NLRP14: variants seen among roughly 807,000 people sequenced by gnomAD.
NLRP14 encodes the protein NACHT, LRR and PYD domains-containing protein 14.
NLRP14 carries 105 observed loss-of-function variants against 94.7 expected under a neutral mutation model. The observed-to-expected ratio is 1.11, with a 90% CI of 0.95 to 1.30. NLRP14 has a LOEUF of 1.30. Ranked by LOEUF, NLRP14 falls within the 50% of genes most tolerant of loss-of-function variation. The pLI is 0.00. For missense variants in NLRP14, 1,362 were observed against 1,254.1 expected (o/e 1.09, Z -1.30); for synonymous variants, 508 against 459.9 (o/e 1.10, Z -1.34).
At chr11:7,023,286 A>G (rs549636054) in intron 1 of NLRP14, among the ~76,000 whole-genome samples, 2 of 147,824 alleles carry the variant, frequency 1.4e-5, no homozygotes, top group South Asian at 4.2e-4. Flanking sequence ...ATCTTAAAAT[A>G]GGTATTTTAA....
At chr11:7,090,239 C>A in the NLRP14 span, 1 of 1,610,596 alleles carries the variant, frequency 6.2e-7, no homozygotes, top group East Asian at 2.2e-5. Flanking sequence ...GCAGGGTGCC[C>A]AGGGGCGGAG....
chr11:7,059,856 C>G (rs530695129), intron 8 of NLRP14, 38 bp from the exon 9 acceptor site: 1 of 1,549,554 alleles, frequency 6.5e-7, no homozygotes, highest in Non-Finnish European at 8.9e-7. Flanking sequence ...GACAGTAGAG[C>G]AATGATTCCA....
chr11:7,022,088 A>G (rs1851952917), intron 1 of NLRP14, among the ~76,000 whole-genome samples: 1 of 152,192 alleles, frequency 6.6e-6, no homozygotes, highest in Non-Finnish European at 1.5e-5. Flanking sequence ...ACTTTTAGGA[A>G]TGAATTCTAC....
chr11:7,023,137 A>G (rs1321380704), intron 1 of NLRP14, among the ~76,000 whole-genome samples: 1 of 151,772 alleles, frequency 6.6e-6, no homozygotes, highest in East Asian at 1.9e-4. Context: ...AAAATTGAGA[A>G]TGTAATAGGT....
the NLRP14 span, chr11:7,089,437 G>A: frequency 1.3e-6 from 2 of 1,542,466 alleles, no homozygotes; most frequent in Non-Finnish European, 1.7e-6. Flanking sequence ...GGTCGCCCGA[G>A]GTTCCTGCGC....
At chr11:7,078,178 C>G in the NLRP14 span, among the ~76,000 whole-genome samples, 1 of 151,996 alleles carries the variant, frequency 6.6e-6, no homozygotes. Flanking sequence ...GTGGCTCATG[C>G]CTGTAATCCT....
chr11:7,038,798 C>T lies in NLRP14; in HGVS notation c.212C>T (p.Ala71Val). Residue 71 changes from alanine (A) to valine (V), a missense_variant, in exon 2 of 12, where the codon GCC becomes GTC. By Grantham distance (64) the Ala-to-Val change is moderately conservative. Transcript: ENST00000299481. ...AAGAAATATTATCCAGGAGAGAAAG[C>T]CTGGAGTGTGTCTCTCAAAATCTTT... is the stretch of plus-strand genomic sequence containing the variant. ...LMKKYYPGEK[A>V]WSVSLKIFGK... 1 of 1,612,970 alleles carries T rather than the reference C, an allele frequency of 6.2e-7. No individual in the cohort carries two copies. The highest frequency in any genetic ancestry group is 8.5e-7 in the Non-Finnish European group (1 of 1,179,688).
At position 7,023,372 on chromosome 11, in the gene NLRP14, A is replaced by T. The variant is rs1049319465; in HGVS notation, c.-22+2602A>T. 1.0e-4 allele frequency among the ~76,000 whole-genome samples: 15 copies of T among 146,606 alleles called. No individual in the cohort carries two copies. In the East Asian group the frequency reaches 1.4e-3, roughly 13 times the overall value. ...AATTATATTACATATATAAATATATATATCATGTTTAGCTTGGAAATTTTT... is the reference window on the plus strand; with the variant it reads ...AATTATATTACATATATAAATATATTTATCATGTTTAGCTTGGAAATTTTT... On this transcript the variant is annotated intron_variant, in intron 1 of 11. Coordinates refer to ENST00000299481, the MANE Select transcript of NLRP14 (RefSeq NM_176822.4).
intron 1 of NLRP14, among the ~76,000 whole-genome samples, chr11:7,028,305 C>T (rs1045049697): frequency 2.6e-5 from 4 of 152,206 alleles, no homozygotes; most frequent in African/African-American, 9.6e-5. Context: ...TTGCCTTTGA[C>T]TCCTTTCTTT....
intron 7 of NLRP14, among the ~76,000 whole-genome samples, chr11:7,058,054 C>G (rs1852545325): frequency 6.6e-6 from 1 of 151,766 alleles, no homozygotes; most frequent in African/African-American, 2.4e-5. Context: ...TCTGATTGAC[C>G]TCTTTATTTT....
At chr11:7,074,442 T>C (rs1304124358), downstream of NLRP14, among the ~76,000 whole-genome samples, 1 of 152,234 alleles carries the variant, frequency 6.6e-6, no homozygotes, top group East Asian at 1.9e-4. Flanking sequence ...CTCTTTCACA[T>C]GATAGCCTTG....
At chr11:7,033,293 G>A (rs76122732) in intron 1 of NLRP14, among the ~76,000 whole-genome samples, 5,280 of 152,254 alleles carry the variant, frequency 0.035, 148 homozygotes, top group East Asian at 0.13. Flanking sequence ...CTCTGTCATA[G>A]TGTATGTATA....
Position 7,042,249 on chromosome 11 carries a change from C to A in NLRP14, c.362-139C>A. On this transcript the variant is annotated intron_variant, in intron 3 of 11. Coordinates refer to ENST00000299481, the MANE Select transcript of NLRP14 (RefSeq NM_176822.4). ...TTTATTTATATTATTTTTAAAAAAT[C>A]AAAACCAGCTCTGATTTCAGCCTAT... The A allele has an allele frequency of 4.8e-6, 3 of 622,270 alleles. No individual in the cohort carries two copies. The East Asian group carries it at 8.5e-5, about 18-fold the overall frequency. The allele number at this position is 622,270 out of a possible 1,614,324, so 38.5% of individuals were successfully genotyped here.
At chr11:7,058,014 T>A (rs888255771) in intron 7 of NLRP14, among the ~76,000 whole-genome samples, 167 bp downstream of exon 7, 1 of 151,890 alleles carries the variant, frequency 6.6e-6, no homozygotes, top group Non-Finnish European at 1.5e-5. Flanking sequence ...TTCCCTCTCT[T>A]TTACTTCACT....
At chr11:7,047,303 C>A (rs1472646965) in intron 5 of NLRP14, among the ~76,000 whole-genome samples, 1 of 91,396 alleles carries the variant, frequency 1.1e-5, no homozygotes, top group African/African-American at 3.9e-5. Context: ...CAGAAAGGTC[C>A]CTTGTACCCC....
At position 7,043,346 on chromosome 11, in the gene NLRP14, C is replaced by G. The variant is rs145713104; in HGVS notation, c.1320C>G (p.Tyr440Ter). Residue 440 changes from tyrosine to a stop codon, truncating the protein, a stop_gained, in exon 4 of 12, where the codon TAC becomes TAG. Transcript: ENST00000299481. LOFTEE classifies it high-confidence loss of function. ...VAAKGIWTMT[Y>*]VFYRENLRRL... ...CCAAAGGAATATGGACTATGACTTACGTGTTTTACAGAGAAAATCTCAGAA... is the reference window on the plus strand; with the variant it reads ...CCAAAGGAATATGGACTATGACTTAGGTGTTTTACAGAGAAAATCTCAGAA... 3.7e-6 allele frequency: 6 copies of G among 1,614,006 alleles called. No individual in the cohort carries two copies. The highest frequency in any genetic ancestry group is 1.3e-5 in the African/African-American group (1 of 74,912).
At chr11:7,052,218 T>G (rs189457637) in intron 6 of NLRP14, among the ~76,000 whole-genome samples, 97 of 152,326 alleles carry the variant, frequency 6.4e-4, no homozygotes, top group African/African-American at 2.2e-3. Context: ...AGGGAATGAT[T>G]GTTGCTTCCA....
intron 3 of NLRP14, among the ~76,000 whole-genome samples, chr11:7,040,159 G>A (rs1852225757): frequency 6.6e-6 from 1 of 152,146 alleles, no homozygotes; most frequent in Non-Finnish European, 1.5e-5. Flanking sequence ...GTGACCAACT[G>A]GTTCATATAA....
chr11:7,052,747 A>G (rs1325456436), intron 6 of NLRP14, among the ~76,000 whole-genome samples: 2 of 152,224 alleles, frequency 1.3e-5, no homozygotes, highest in Non-Finnish European at 2.9e-5. Flanking sequence ...TAGATAGCAT[A>G]TGGACCAATA....
Sources: gnomAD v4.1 joint callset for allele counts (sites outside exome capture counted in the v4.1 genomes callset) on GRCh38, gnomAD v4.1.1 for gene constraint, MANE v1.5 for transcripts, NCBI Gene and HGNC (gene_info 2026-07-23, HGNC 2026-07-21) for gene names.